IKZF2: variants seen among roughly 807,000 people sequenced by gnomAD.
The protein encoded by IKZF2 is zinc finger protein Helios.
IKZF2 carries 15 observed loss-of-function variants against 49.2 expected under a neutral mutation model. The ratio of observed to expected loss-of-function variants is 0.30; its 90% CI spans 0.20 to 0.47. The LOEUF is 0.47. Among genes scored for constraint, IKZF2 ranks in the 20% least tolerant of loss-of-function variants. The pLI, the probability that IKZF2 is intolerant of heterozygous loss-of-function variation, is 1.00. For missense variants in IKZF2, 567 were observed against 664.6 expected, an observed-to-expected ratio of 0.85 and a Z score of 1.61; for synonymous variants, 227 against 221.4, an observed-to-expected ratio of 1.03 and a Z score of -0.23.
At position 213,110,111 on chromosome 2, in the gene IKZF2, C is replaced by T. The variant is rs139849949; in HGVS notation, c.139+37597G>A. Among the ~76,000 whole-genome samples the T allele has an allele frequency of 8.7e-3, 1,323 of 152,062 alleles. 13 individuals are homozygous for T. The highest frequency in any genetic ancestry group is 0.012 in the Non-Finnish European group (804 of 67,852). On this transcript the variant is annotated intron_variant, in intron 4 of 8. Coordinates refer to ENST00000434687, the MANE Select transcript of IKZF2 (RefSeq NM_001387220.1). Reference sequence around the variant, plus strand: ...CTGGCAAACAGTTGAAGGGCTGACACTTTCAGTCTCACCCTATAGAAATAT... The same window carrying T: ...CTGGCAAACAGTTGAAGGGCTGACATTTTCAGTCTCACCCTATAGAAATAT...
chr2:213,087,567 C>T (rs1361915216), intron 4 of IKZF2, among the ~76,000 whole-genome samples: 1 of 152,056 alleles, frequency 6.6e-6, no homozygotes, highest in African/African-American at 2.4e-5. Flanking sequence ...CACATGTATA[C>T]ATGTGCCATG....
At chr2:213,092,960 A>T (rs1277015096) in intron 4 of IKZF2, among the ~76,000 whole-genome samples, 1 of 152,158 alleles carries the variant, frequency 6.6e-6, no homozygotes, top group South Asian at 2.1e-4. Context: ...AGCTTTACAG[A>T]GCAGAATACA....
chr2:213,007,718 G>C lies in IKZF2; in HGVS notation c.1223C>G (p.Thr408Ser). The C allele has an allele frequency of 6.2e-7, 1 of 1,613,756 alleles. No individual in the cohort carries two copies. Among genetic ancestry groups the C allele is most frequent in the Non-Finnish European group, 8.5e-7 (1 of 1,179,764 alleles). ...GTCATCATGGCTGCTTTCTGAGTCA[G>C]TGGAATCCAGGCAGCTATTGCTGGG... ...ASPSNSCLDS[T>S]DSESSHDDHQ... The change falls in exon 9 of 9, where the codon ACT becomes AGT. Residue 408 changes from threonine to serine, a missense_variant. This residue lies in a region of IKZF2 where 310 missense variants were observed against 326.9 expected (regional missense o/e 0.95). Transcript: ENST00000434687.
chr2:213,140,912 T>C (rs749039350), intron 4 of IKZF2, among the ~76,000 whole-genome samples: 8 of 152,074 alleles, frequency 5.3e-5, no homozygotes, highest in Non-Finnish European at 8.8e-5. Context: ...AACCAAACCA[T>C]GGGCTAATAT....
chr2:213,014,009 T>C (rs1305836718), intron 7 of IKZF2, 75 bp from the exon 8 acceptor site: 3 of 1,376,552 alleles, frequency 2.2e-6, no homozygotes, highest in Non-Finnish European at 1.0e-6. Flanking sequence ...GGATATGCCA[T>C]CTCGATATGT....
rs976248980 is a variant in IKZF2 at position 213,040,935 on chromosome 2, C to T, written c.574+8778G>A. Among the ~76,000 whole-genome samples, 57 of 152,022 alleles carry T rather than the reference C, an allele frequency of 3.7e-4. 1 individual carries two copies. Among genetic ancestry groups the T allele is most frequent in the Non-Finnish European group, 1.0e-4 (7 of 67,954 alleles). ...GAGTTCAAGACCAGCCTGGCCAACA[C>T]GGTGAAACCCCGTCTCTACTAAAAA... On this transcript the variant is annotated intron_variant, in intron 6 of 8. Coordinates refer to ENST00000434687, the MANE Select transcript of IKZF2 (RefSeq NM_001387220.1).
In IKZF2 at chr2:213,028,653, T is replaced by C. The variant is rs188025841; in HGVS notation, c.575-6523A>G. Among the ~76,000 whole-genome samples the C allele has an allele frequency of 3.3e-3, 496 of 152,240 alleles. 3 individuals are homozygous for C. The highest frequency in any genetic ancestry group is 0.011 in the African/African-American group (455 of 41,564). ...TAATCAATGGCATTGCTTTCTAAAT[T>C]CCAATGTCCAACTGTTCATTCCTAG... On this transcript the variant is annotated intron_variant, in intron 6 of 8. Transcript: ENST00000434687.
intron 4 of IKZF2, among the ~76,000 whole-genome samples, chr2:213,087,221 G>A (rs2125611728): frequency 6.6e-6 from 1 of 152,238 alleles, no homozygotes; most frequent in Non-Finnish European, 1.5e-5. Flanking sequence ...AACACTGCCT[G>A]TTGCTGTATT....
intron 4 of IKZF2, among the ~76,000 whole-genome samples, chr2:213,105,593 G>T (rs796285550): frequency 8.7e-5 from 13 of 150,238 alleles, no homozygotes; most frequent in South Asian, 4.2e-4. Flanking sequence ...GGGGGGAAGG[G>T]GGGGGTGGTA....
At chr2:213,050,076 T>G (rs1269914514) in intron 5 of IKZF2, among the ~76,000 whole-genome samples, 196 bp from the exon 6 acceptor site, 2 of 152,192 alleles carry the variant, frequency 1.3e-5, no homozygotes, top group Non-Finnish European at 2.9e-5. Flanking sequence ...TCAAATGATC[T>G]TTCCCCTTTT....
intron 4 of IKZF2, among the ~76,000 whole-genome samples, chr2:213,145,194 T>C (rs1290520194): frequency 1.3e-5 from 2 of 151,736 alleles, no homozygotes; most frequent in Non-Finnish European, 2.9e-5. Flanking sequence ...AAAAATTTAC[T>C]TATTTTATTT....
chr2:213,013,254 C>T (rs1480920986), intron 8 of IKZF2, among the ~76,000 whole-genome samples: 4 of 151,660 alleles, frequency 2.6e-5, no homozygotes, highest in African/African-American at 9.7e-5. Flanking sequence ...AGATAAAATA[C>T]GAAAATAATT....
intron 7 of IKZF2, chr2:213,014,160 C>T: frequency 3.0e-6 from 1 of 331,766 alleles, no homozygotes; most frequent in South Asian, 8.1e-5. Flanking sequence ...CCATGACATA[C>T]ATACACTGTT....
chr2:213,007,894 T>C lies in IKZF2; in HGVS notation c.1047A>G (p.Pro349=), dbSNP rs1217468402. 1 of 1,613,574 alleles carries C rather than the reference T, an allele frequency of 6.2e-7. No homozygotes were observed. The highest frequency in any genetic ancestry group is 8.5e-7 in the Non-Finnish European group (1 of 1,179,740). The part of the protein sequence containing the change: ...HPPSTIAEVA[P]VISSAYSQVY... ...CCTGAGAATAAGCTGAGCTTATAACTGGGGCCACTTCAGCGATTGTGCTTG... is the reference window on the plus strand; with the variant it reads ...CCTGAGAATAAGCTGAGCTTATAACCGGGGCCACTTCAGCGATTGTGCTTG... Residue 349 remains proline (P), a synonymous_variant, in exon 9 of 9, where the codon CCA becomes CCG. Transcript: ENST00000434687.
At chr2:213,030,211 T>A (rs1698258578) in intron 6 of IKZF2, among the ~76,000 whole-genome samples, 1 of 152,162 alleles carries the variant, frequency 6.6e-6, no homozygotes, top group Admixed American at 6.5e-5. Context: ...CTTTACTGTT[T>A]TAAGTTTTAA....
chr2:213,143,111 T>C (rs1459596773), intron 4 of IKZF2, among the ~76,000 whole-genome samples: 1 of 151,958 alleles, frequency 6.6e-6, no homozygotes, highest in Non-Finnish European at 1.5e-5. Flanking sequence ...CCAAATATGA[T>C]AAAAATATGT....
chr2:213,101,156 T>G (rs1445165319), intron 4 of IKZF2, among the ~76,000 whole-genome samples: 1 of 152,036 alleles, frequency 6.6e-6, no homozygotes, highest in East Asian at 1.9e-4. Context: ...AACATTCTTA[T>G]GTCTATAATG....
At chr2:213,065,600 T>C (rs1041110524) in intron 4 of IKZF2, among the ~76,000 whole-genome samples, 2 of 152,202 alleles carry the variant, frequency 1.3e-5, no homozygotes, top group East Asian at 3.9e-4. Flanking sequence ...GGAAAGAATT[T>C]AGGTGCGTTA....
At chr2:213,016,612 G>A (rs1487329330) in intron 7 of IKZF2, among the ~76,000 whole-genome samples, 1 of 151,914 alleles carries the variant, frequency 6.6e-6, no homozygotes, top group Non-Finnish European at 1.5e-5. Context: ...CATTAATCTG[G>A]GCTAAAGATA....
Sources: allele counts gnomAD v4.1 joint callset (sites outside exome capture counted in the v4.1 genomes callset), GRCh38; gene constraint gnomAD v4.1.1; regional missense constraint gnomAD v4.1.1; transcripts MANE v1.5; gene names NCBI Gene and HGNC (gene_info 2026-07-23, HGNC 2026-07-21).